GGT5: variants seen among roughly 807,000 people sequenced by gnomAD.
GGT5 encodes the protein glutathione hydrolase 5 proenzyme.
In GGT5, 50 loss-of-function variants were observed where a neutral mutation model predicts 58.1. That is an observed-to-expected ratio of 0.86 (90% confidence interval 0.69 to 1.09). The LOEUF (loss-of-function observed/expected upper bound fraction) is 1.09, where lower values mean the gene tolerates loss of function less well. Ranked by LOEUF, GGT5 falls within the 50% of genes least tolerant of loss-of-function variation. The probability of loss-of-function intolerance (pLI) is 0.00; values close to 1 mark genes in which losing one functional copy is unlikely to be tolerated. For synonymous variants in GGT5, 370 were observed against 346.1 expected (o/e 1.07, Z -0.77); for missense variants, 800 against 789.4 (o/e 1.01, Z -0.16).
In GGT5 at chr22:24,231,499, C is replaced by G. The variant is rs2047939888; in HGVS notation, c.786G>C (p.Lys262Asn). The G allele has an allele frequency of 6.3e-7, 1 of 1,588,288 alleles. No homozygotes were observed. The highest frequency in any genetic ancestry group is 8.6e-7 in the Non-Finnish European group (1 of 1,167,352). Residue 262 changes from lysine (K) to asparagine (N), a missense_variant, in exon 6 of 12, where the codon AAG becomes AAC. Coordinates refer to ENST00000327365, the MANE Select transcript of GGT5 (RefSeq NM_004121.5). ...GGGCATCCACCACCTCGGGCTGGAA[C>G]TTGGCCAGGTCCTGCAGCGTCAGCT... ...GSQLTLQDLA[K>N]FQPEVVDALE...
At chr22:24,231,222 G>T (rs2047927127) in intron 6 of GGT5, among the ~76,000 whole-genome samples, 162 bp downstream of exon 6, 1 of 152,120 alleles carries the variant, frequency 6.6e-6, no homozygotes, top group African/African-American at 2.4e-5. Flanking sequence ...CATCCTGATT[G>T]GTTTCCACAG....
At position 24,233,964 on chromosome 22, in the gene GGT5, TG is replaced by T; in HGVS notation, c.213del (p.Ile72SerfsTer28). The T allele has an allele frequency of 6.2e-7, 1 of 1,613,620 alleles. No individual in the cohort carries two copies. Among genetic ancestry groups the T allele is most frequent in the Non-Finnish European group, 8.5e-7 (1 of 1,179,796 alleles). On this transcript the variant is annotated frameshift_variant, in exon 2 of 12. Coordinates refer to ENST00000327365, the MANE Select transcript of GGT5 (RefSeq NM_004121.5). LOFTEE classifies it high-confidence loss of function. ...LQQQGSPVDA[T>X]IAALVCTSVV... The stretch of plus-strand genomic sequence containing the variant: ...ACGCTGGTGCAGACCAGAGCCGCGA[TG>T]GTGGCATCCACGGGTGAGCCCTGCT...
intron 11 of GGT5, among the ~76,000 whole-genome samples, chr22:24,224,270 G>A (rs2047683015): frequency 6.6e-6 from 1 of 151,944 alleles, no homozygotes; most frequent in Non-Finnish European, 1.5e-5. Flanking sequence ...AGCATTTTGG[G>A]AGGCCAAGGC....
chr22:24,224,866 A>G (rs190256355), intron 11 of GGT5, 130 bp downstream of exon 11: 4 of 657,500 alleles, frequency 6.1e-6, no homozygotes, highest in African/African-American at 1.8e-5. Context: ...CCCAACTCCT[A>G]TGGCCCCCAA....
intron 6 of GGT5, among the ~76,000 whole-genome samples, chr22:24,228,086 CTCT>C (rs2047831331): frequency 9.4e-6 from 1 of 105,956 alleles, no homozygotes. Context: ...AAAAAAAAAA[CTCT>C]GAAAAATAGA....
In GGT5 at chr22:24,233,535, C is replaced by G; in HGVS notation, c.363G>C (p.Leu121=). The G allele has an allele frequency of 6.2e-7, 1 of 1,609,636 alleles. No homozygotes were observed. Among genetic ancestry groups the G allele is most frequent in the Non-Finnish European group, 8.5e-7 (1 of 1,179,192 alleles). Residue 121 remains leucine (L), a synonymous_variant, in exon 3 of 12, where the codon CTG becomes CTC. Transcript: ENST00000327365. ...GCAGAGCCTGTGCACACTGGTCCAG[C>G]AGGCTCGGGGCGTGGCTGGCCGGCA... The part of the protein sequence containing the change: ...ETVPASHAPS[L]LDQCAQALPL...
intron 1 of GGT5, among the ~76,000 whole-genome samples, chr22:24,236,590 C>T (rs1213798682): frequency 1.3e-5 from 2 of 152,094 alleles, no homozygotes; most frequent in Non-Finnish European, 2.9e-5. Flanking sequence ...GGTGAAACCC[C>T]ATCTCTATTA....
intron 11 of GGT5, 134 bp downstream of exon 11, chr22:24,224,862 T>G (rs2047701807): frequency 1.5e-6 from 1 of 648,234 alleles, no homozygotes; most frequent in Non-Finnish European, 2.7e-6. Context: ...GGTCCCCAAC[T>G]CCTATGGCCC....
At chr22:24,241,080 C>T in intron 1 of GGT5, 1 of 151,502 alleles carries the variant, frequency 6.6e-6, no homozygotes, top group Admixed American at 6.6e-5. Context: ...TCGCTTGAAC[C>T]CAGGAGGTGG....
chr22:24,224,755 G>A (rs1295748454), intron 11 of GGT5, among the ~76,000 whole-genome samples: 2 of 152,230 alleles, frequency 1.3e-5, no homozygotes, highest in Non-Finnish European at 2.9e-5. Flanking sequence ...CCAAGGTGCT[G>A]AGATCCTCAG....
Position 24,232,961 on chromosome 22 carries a change from C to A in GGT5, c.458G>T (p.Arg153Leu), listed in dbSNP as rs373209437. ...ELRGYAEAHRRHGRLPWAQLF... is the reference protein window; with the variant it reads ...ELRGYAEAHRLHGRLPWAQLF... The stretch of plus-strand genomic sequence containing the variant: ...CTGCGCCCAGGGCAGGCGGCCATGG[C>A]GGCGGTGGGCCTCGGCATAGCCACG... Residue 153 changes from arginine (R) to leucine (L), a missense_variant, in exon 4 of 12, where the codon CGC becomes CTC. Transcript: ENST00000327365. 1.3e-6 allele frequency: 2 copies of A among 1,563,248 alleles called. No homozygotes were observed. The highest frequency in any genetic ancestry group is 1.4e-5 in the African/African-American group (1 of 73,674).
Position 24,225,644 on chromosome 22 carries a change from G to T in GGT5, c.1238C>A (p.Ala413Glu). 1.2e-6 allele frequency: 2 copies of T among 1,605,824 alleles called. No individual in the cohort carries two copies. The highest frequency in any genetic ancestry group is 2.2e-5 in the East Asian group (1 of 44,816). The stretch of plus-strand genomic sequence containing the variant: ...GCCTGTCCGTGGTGAATACACCATC[G>T]CTCCAAAGCTGCAGCCGTGGAGGCA... ...ATSTINTPFGAMVYSPRTGII... is the reference protein window; with the variant it reads ...ATSTINTPFGEMVYSPRTGII... The change falls in exon 9 of 12, where the codon GCG becomes GAG. Residue 413 changes from alanine to glutamate, a missense_variant. Transcript: ENST00000327365.
chr22:24,238,939 A>AAT (rs1244317146), intron 1 of GGT5, among the ~76,000 whole-genome samples: 499 of 15,882 alleles, frequency 0.031, 30 homozygotes, highest in East Asian at 0.049. Context: ...TATATTATAT[A>AAT]ATATATATAT....
intron 6 of GGT5, among the ~76,000 whole-genome samples, chr22:24,230,734 C>T (rs760523029): frequency 6.6e-6 from 1 of 152,070 alleles, no homozygotes; most frequent in Non-Finnish European, 1.5e-5. Flanking sequence ...GTATTCCTAC[C>T]GCGATGCCTA....
rs375546157 is a variant in GGT5 at position 24,220,000 on chromosome 22, C to G, written c.1731G>C (p.Leu577=). Residue 577 remains leucine (L), a synonymous_variant, in exon 12 of 12, where the codon CTG becomes CTC. Transcript: ENST00000327365. ...EGACVYAVSD[L]RKSGEAAGY is the part of the protein sequence containing the mutation. ...AGCCTGCGGCCTCCCCACTCTTCCT[C>G]AGGTCCGAGACGGCGTACACACAGG... The G allele has an allele frequency of 6.2e-7, 1 of 1,614,022 alleles. No homozygotes were observed.
intron 9 of GGT5, 47 bp from the exon 10 acceptor site, chr22:24,225,458 G>A (rs772769849): frequency 1.9e-6 from 3 of 1,608,046 alleles, no homozygotes; most frequent in Non-Finnish European, 2.6e-6. Context: ...CCATCCAGGG[G>A]TTAGCATGCA....
chr22:24,229,389 G>C (rs2047873377), intron 6 of GGT5, among the ~76,000 whole-genome samples: 1 of 151,680 alleles, frequency 6.6e-6, no homozygotes, highest in South Asian at 2.1e-4. Context: ...CTTGGCGACA[G>C]AGCGAGACTC....
intron 1 of GGT5, among the ~76,000 whole-genome samples, chr22:24,239,125 G>T (rs1449805588): frequency 1.4e-5 from 2 of 146,634 alleles, no homozygotes; most frequent in Non-Finnish European, 3.0e-5. Context: ...GTATCATGAG[G>T]TTAGGAGATC....
intron 6 of GGT5, among the ~76,000 whole-genome samples, chr22:24,228,048 C>CA (rs1273239063): frequency 0.054 from 1,160 of 21,680 alleles, 52 homozygotes; most frequent in African/African-American, 0.061. Flanking sequence ...GACTCTGTCT[C>CA]AAAAAAAAAA....
Sources: allele counts gnomAD v4.1 joint callset (sites outside exome capture counted in the v4.1 genomes callset), GRCh38; gene constraint gnomAD v4.1.1; transcripts MANE v1.5; gene names NCBI Gene and HGNC (gene_info 2026-07-23, HGNC 2026-07-21).